The following DLGAP2 variants were observed in gnomAD, a reference collection of about 807,000 sequenced individuals.
DLGAP2 encodes the protein disks large-associated protein 2.
Under a neutral mutation model 100.3 loss-of-function variants are expected in DLGAP2, and 26 were observed. The ratio of observed to expected loss-of-function variants is 0.26; its 90% CI spans 0.19 to 0.36. DLGAP2 has a LOEUF of 0.36. Ranked by LOEUF, DLGAP2 falls within the 10% of genes least tolerant of loss-of-function variation. The pLI is 1.00. For missense variants in DLGAP2, 1,858 were observed against 1,453.2 expected (o/e 1.28, Z -4.53); for synonymous variants, 886 against 630.1 (o/e 1.41, Z -6.08).
chr8:1,007,598 T>C (rs1801156149), intron 2 of DLGAP2, among the ~76,000 whole-genome samples: 1 of 143,776 alleles, frequency 7.0e-6, no homozygotes. Flanking sequence ...GCACCAGTGG[T>C]CCAGTGGTGG....
rs190486299 is a variant in DLGAP2 at position 1,700,870 on chromosome 8, A to G, written c.2950-318A>G. Among the ~76,000 whole-genome samples, 6 of 152,366 alleles carry G rather than the reference A, an allele frequency of 3.9e-5. No individual in the cohort carries two copies. In the South Asian group the frequency reaches 8.3e-4, roughly 21 times the overall value. ...TGGGAAGCGCAGGAATCGGGCGACAATGTCAGACTAGCGCAGTGACTGCAG... is the reference window on the plus strand; with the variant it reads ...TGGGAAGCGCAGGAATCGGGCGACAGTGTCAGACTAGCGCAGTGACTGCAG... On this transcript the variant is annotated intron_variant, in intron 14 of 14. Transcript: ENST00000637795.
chr8:1,036,691 T>C (rs1317845652), intron 2 of DLGAP2, among the ~76,000 whole-genome samples: 2 of 152,056 alleles, frequency 1.3e-5, no homozygotes, highest in African/African-American at 2.4e-5. Flanking sequence ...GTCGTGTACA[T>C]GGCAGGGAGG....
chr8:1,466,527 GTGTGTGTGTGTGTGTGTA>G (rs772432920), intron 3 of DLGAP2, among the ~76,000 whole-genome samples: 1 of 144,708 alleles, frequency 6.9e-6, no homozygotes, highest in Non-Finnish European at 1.5e-5. Flanking sequence ...CTCAATTTGT[GTGTGTGTGTGTGTGTGTA>G]TGTGTGTGTG....
chr8:1,593,908 C>G (rs148749903), intron 6 of DLGAP2, among the ~76,000 whole-genome samples: 1 of 152,222 alleles, frequency 6.6e-6, no homozygotes, highest in Non-Finnish European at 1.5e-5. Context: ...TCAGCTTCTT[C>G]AGGGTTGCAC....
At chr8:1,438,572 T>C (rs929627038) in intron 3 of DLGAP2, among the ~76,000 whole-genome samples, 1 of 152,094 alleles carries the variant, frequency 6.6e-6, no homozygotes, top group Non-Finnish European at 1.5e-5. Flanking sequence ...ATGGCTGATA[T>C]CGAAAATATT....
chr8:987,204 C>T (rs1800512950), intron 2 of DLGAP2, among the ~76,000 whole-genome samples: 1 of 152,114 alleles, frequency 6.6e-6, no homozygotes, highest in East Asian at 1.9e-4. Context: ...TGCAGGAGTG[C>T]CAGGTGCCCT....
At chr8:925,859 G>A (rs77029836) in intron 2 of DLGAP2, among the ~76,000 whole-genome samples, 1,875 of 152,226 alleles carry the variant, frequency 0.012, 43 homozygotes, top group African/African-American at 0.043. Context: ...CAGTTCAAAG[G>A]CAGGCAGGGG....
chr8:1,549,386 G>A lies in DLGAP2; in HGVS notation c.933G>A (p.Thr311=), dbSNP rs746806848. 3.7e-6 allele frequency: 6 copies of A among 1,613,440 alleles called. No individual in the cohort carries two copies. The Middle Eastern group carries it at 4.9e-4, about 133-fold the overall frequency. ...TGGACAGCGACAGCACCTATCGGAC[G>A]CCCAGCGTGCTCAACCGGCACCACC... is the stretch of plus-strand genomic sequence containing the variant. ...DNLDSDSTYR[T]PSVLNRHHLG... is the part of the protein sequence containing the mutation. Residue 311 remains threonine, a synonymous_variant, in exon 5 of 15, where the codon ACG becomes ACA. Transcript: ENST00000637795.
intron 8 of DLGAP2, among the ~76,000 whole-genome samples, chr8:1,652,611 G>T (rs973476213): frequency 2.0e-5 from 3 of 152,266 alleles, no homozygotes; most frequent in East Asian, 1.9e-4. Flanking sequence ...CGACACCTAG[G>T]AAGTGGTAGG....
chr8:898,281 G>T lies in DLGAP2; in HGVS notation c.19-9631G>T, dbSNP rs545101496. Among the ~76,000 whole-genome samples the T allele has an allele frequency of 1.0e-3, 159 of 152,156 alleles. 3 individuals are homozygous for T. Among genetic ancestry groups the T allele is most frequent in the South Asian group, 3.3e-3 (16 of 4,824 alleles). Reference sequence around the variant, plus strand: ...TGGCCAGGGCTGTAGCCTCCTGCTTGGGTGAGGTCTGGCGACTTCACCCAA... The same window carrying T: ...TGGCCAGGGCTGTAGCCTCCTGCTTTGGTGAGGTCTGGCGACTTCACCCAA... On this transcript the variant is annotated intron_variant, in intron 1 of 14. Transcript: ENST00000637795.
chr8:1,048,522 C>T (rs1458428532), intron 2 of DLGAP2, among the ~76,000 whole-genome samples: 1 of 151,744 alleles, frequency 6.6e-6, no homozygotes, highest in Non-Finnish European at 1.5e-5. Flanking sequence ...TCCGCAAGGC[C>T]CCTGCTGTGC....
chr8:894,912 TG>T (rs1798113946), intron 1 of DLGAP2, among the ~76,000 whole-genome samples: 1 of 49,008 alleles, frequency 2.0e-5, no homozygotes, highest in Non-Finnish European at 4.0e-5. Context: ...AGGGGCGGGG[TG>T]GGGGGAGTGG....
Position 1,678,498 on chromosome 8 carries a change from C to G in DLGAP2, c.2573C>G (p.Thr858Ser). The G allele has an allele frequency of 1.2e-6, 2 of 1,612,406 alleles. No homozygotes were observed. The highest frequency in any genetic ancestry group is 8.5e-7 in the Non-Finnish European group (1 of 1,179,258). The stretch of plus-strand genomic sequence containing the variant: ...GAGCCCGCCATCGACACGGTAGAGA[C>G]TGGGAGGATGTCTCCGTGCCGCAGG... ...WLEPAIDTVE[T>S]GRMSPCRRDG... Residue 858 changes from threonine to serine, a missense_variant, in exon 12 of 15, where the codon ACT (threonine) becomes AGT (serine). Coordinates refer to ENST00000637795, the MANE Select transcript of DLGAP2 (RefSeq NM_001346810.2).
intron 1 of DLGAP2, among the ~76,000 whole-genome samples, chr8:901,074 T>A (rs1335682431): frequency 1.3e-5 from 2 of 152,176 alleles, no homozygotes; most frequent in African/African-American, 4.8e-5. Context: ...GAAGATTGCA[T>A]GAGGCCAAGA....
intron 2 of DLGAP2, among the ~76,000 whole-genome samples, chr8:963,147 G>A (rs776445135): frequency 4.6e-5 from 7 of 152,174 alleles, no homozygotes; most frequent in East Asian, 1.9e-4. Flanking sequence ...TTCTTGTGTC[G>A]AAGGAGAGTC....
At chr8:1,065,490 C>A (rs985564405) in intron 2 of DLGAP2, among the ~76,000 whole-genome samples, 3 of 152,230 alleles carry the variant, frequency 2.0e-5, no homozygotes, top group Admixed American at 6.5e-5. Flanking sequence ...TATCACACAA[C>A]ACGGAGCGTT....
At chr8:953,489 G>C (rs1799529611) in intron 2 of DLGAP2, among the ~76,000 whole-genome samples, 1 of 152,192 alleles carries the variant, frequency 6.6e-6, no homozygotes, top group Non-Finnish European at 1.5e-5. Context: ...ACCGTGCCTG[G>C]CCCAAATTTT....
chr8:925,732 G>T (rs1254941458), intron 2 of DLGAP2, among the ~76,000 whole-genome samples: 1 of 152,152 alleles, frequency 6.6e-6, no homozygotes, highest in African/African-American at 2.4e-5. Flanking sequence ...TTTGTTAAAA[G>T]GAATTGGCTC....
At chr8:1,449,839 GT>G (rs1798092293) in intron 3 of DLGAP2, among the ~76,000 whole-genome samples, 4 of 98,974 alleles carry the variant, frequency 4.0e-5, no homozygotes, top group African/African-American at 2.0e-4. Context: ...GGCTGTGACT[GT>G]AGCGGAGCTG....
Sources: gnomAD v4.1 joint callset for allele counts (sites outside exome capture counted in the v4.1 genomes callset) on GRCh38, gnomAD v4.1.1 for gene constraint, MANE v1.5 for transcripts, NCBI Gene and HGNC (gene_info 2026-07-23, HGNC 2026-07-21) for gene names.